The following DCDC1 variants were observed in gnomAD, a reference collection of about 807,000 sequenced individuals.
The protein encoded by DCDC1 is doublecortin domain containing 1.
Under a neutral mutation model 178.3 loss-of-function variants are expected in DCDC1, and 200 were observed. The ratio of observed to expected loss-of-function variants is 1.12; its 90% CI spans 1.00 to 1.26. DCDC1 has a LOEUF of 1.26. Among genes scored for constraint, DCDC1 ranks in the 50% most tolerant of loss-of-function variants. DCDC1 has a pLI of 0.00. For missense variants in DCDC1, 1,983 were observed against 1,749.2 expected, an observed-to-expected ratio of 1.13 and a Z score of -2.38; for synonymous variants, 690 against 604.8, an observed-to-expected ratio of 1.14 and a Z score of -2.07.
In DCDC1 at chr11:31,157,485, G is replaced by C. The variant is rs534201219; in HGVS notation, c.1222-19701C>G. Among the ~76,000 whole-genome samples, 28 of 150,938 alleles carry C rather than the reference G, an allele frequency of 1.9e-4. No homozygotes were observed. The South Asian group carries it at 5.7e-3, about 31-fold the overall frequency. Reference sequence around the variant, plus strand: ...TACATATATATATATGTGTGTGTGTGTGCAATGGAATATTATTCAGGCCTA... The same window carrying C: ...TACATATATATATATGTGTGTGTGTCTGCAATGGAATATTATTCAGGCCTA... On this transcript the variant is annotated intron_variant, in intron 9 of 38. Transcript: ENST00000684477.
At chr11:30,885,363 A>G (rs1344344629) in intron 36 of DCDC1, among the ~76,000 whole-genome samples, 2 of 152,026 alleles carry the variant, frequency 1.3e-5, no homozygotes, top group African/African-American at 4.8e-5. Flanking sequence ...AGAAATGAAT[A>G]AACTTATAAA....
intron 38 of DCDC1, among the ~76,000 whole-genome samples, chr11:30,876,488 T>G (rs1398011869): frequency 6.6e-6 from 1 of 152,210 alleles, no homozygotes; most frequent in Non-Finnish European, 1.5e-5. Flanking sequence ...ACAAAGTAAG[T>G]GTCGCTGCCT....
At chr11:31,123,911 A>ATAATTTAATAACTTAAATTTTAAT (rs1348552018) in intron 11 of DCDC1, among the ~76,000 whole-genome samples, 20 of 152,256 alleles carry the variant, frequency 1.3e-4, no homozygotes, top group African/African-American at 4.8e-4. Context: ...TAAAATTAAA[A>ATAATTTAATAACTTAAATTTTAAT]TTTAAGTAGC....
At chr11:31,339,441 C>T (rs1388272304) in intron 1 of DCDC1, among the ~76,000 whole-genome samples, 3 of 152,108 alleles carry the variant, frequency 2.0e-5, no homozygotes, top group Non-Finnish European at 4.4e-5. Context: ...ACGATTCAGC[C>T]TAAGGTATTT....
chr11:31,309,081 T>C (rs554040522), intron 3 of DCDC1, among the ~76,000 whole-genome samples: 1 of 152,004 alleles, frequency 6.6e-6, no homozygotes, highest in Admixed American at 6.6e-5. Context: ...ACGAGTAAAA[T>C]GGTCAATTAT....
intron 21 of DCDC1, among the ~76,000 whole-genome samples, chr11:30,935,319 T>C (rs927873549): frequency 1.3e-5 from 2 of 152,172 alleles, no homozygotes; most frequent in Non-Finnish European, 2.9e-5. Context: ...GCAAAGATAT[T>C]TATCTGCCTG....
At chr11:31,122,637 C>A (rs1208064061) in intron 11 of DCDC1, among the ~76,000 whole-genome samples, 1 of 152,076 alleles carries the variant, frequency 6.6e-6, no homozygotes, top group Non-Finnish European at 1.5e-5. Context: ...GTATCCACAT[C>A]CATCCTATGG....
chr11:31,246,532 AAAGATACT>A (rs1228058470), intron 8 of DCDC1, among the ~76,000 whole-genome samples: 2 of 151,942 alleles, frequency 1.3e-5, no homozygotes, highest in African/African-American at 4.8e-5. Flanking sequence ...TAAGTTTTTA[AAAGATACT>A]AAGATGTGAC....
intron 3 of DCDC1, among the ~76,000 whole-genome samples, chr11:31,308,849 G>A (rs747201909): frequency 1.3e-5 from 2 of 151,946 alleles, no homozygotes; most frequent in Non-Finnish European, 2.9e-5. Flanking sequence ...TACCATAATC[G>A]GAAGTATCTT....
Position 30,867,002 on chromosome 11 carries a change from G to A in DCDC1, c.*41-1670C>T, listed in dbSNP as rs564077288. ...CTCACCATACACCAGTGCCTTGATT[G>A]TGATCTTGGACTTCCCAGCCTCCAG... On this transcript the variant is annotated intron_variant, in intron 38 of 38. Coordinates refer to ENST00000684477, the MANE Select transcript of DCDC1 (RefSeq NM_001387274.1). 2.6e-5 allele frequency among the ~76,000 whole-genome samples: 4 copies of A among 152,232 alleles called. No homozygotes were observed. In the South Asian group the frequency reaches 6.2e-4, roughly 24 times the overall value.
chr11:30,900,598 CTT>C (rs551029270), intron 32 of DCDC1, 100 bp from the exon 33 acceptor site: 90 of 1,205,782 alleles, frequency 7.5e-5, no homozygotes, highest in Non-Finnish European at 9.1e-5. Context: ...TCATTAATAA[CTT>C]AATTTGATTT....
chr11:31,317,864 G>A (rs1288081543), intron 3 of DCDC1, among the ~76,000 whole-genome samples: 2 of 49,172 alleles, frequency 4.1e-5, no homozygotes, highest in East Asian at 6.6e-4. Flanking sequence ...TTTTTAGCAT[G>A]AAGGGTTGTT....
rs377366149 is a variant in DCDC1, at chr11:30,909,519, C to A, written c.3748-403G>T. 8.5e-4 allele frequency among the ~76,000 whole-genome samples: 129 copies of A among 152,026 alleles called. 3 individuals carry two copies. The South Asian group carries it at 0.026, about 31-fold the overall frequency. ...TAGTGTAAATAAATATTTGGGAAAT[C>A]CATGATAATTTTTTAGGACAAATTT... On this transcript the variant is annotated intron_variant, in intron 28 of 38. Coordinates refer to ENST00000684477, the MANE Select transcript of DCDC1 (RefSeq NM_001387274.1).
chr11:31,301,532 C>A (rs1281286964), intron 6 of DCDC1, among the ~76,000 whole-genome samples: 1 of 152,104 alleles, frequency 6.6e-6, no homozygotes, highest in East Asian at 1.9e-4. Context: ...TAAAAATCAA[C>A]AAATTCAGTA....
chr11:31,205,417 G>T (rs913468407), intron 9 of DCDC1, among the ~76,000 whole-genome samples: 1 of 152,152 alleles, frequency 6.6e-6, no homozygotes, highest in Admixed American at 6.5e-5. Flanking sequence ...ACATATTTAA[G>T]AAGTTAGGTT....
chr11:30,970,719 C>T (rs554496973), intron 20 of DCDC1, among the ~76,000 whole-genome samples: 1 of 152,330 alleles, frequency 6.6e-6, no homozygotes, highest in South Asian at 2.1e-4. Context: ...TGACAGCAAT[C>T]CTGCCCTCCC....
intron 13 of DCDC1, among the ~76,000 whole-genome samples, chr11:31,103,997 A>G (rs774683479): frequency 1.1e-4 from 17 of 152,190 alleles, no homozygotes; most frequent in Non-Finnish European, 2.2e-4. Flanking sequence ...AACATATGTA[A>G]TTTAAAAAAT....
intron 10 of DCDC1, among the ~76,000 whole-genome samples, chr11:31,134,923 G>A (rs1210909577): frequency 6.6e-6 from 1 of 152,148 alleles, no homozygotes; most frequent in Non-Finnish European, 1.5e-5. Context: ...TTGTGCCCAG[G>A]AGTTCAAGGC....
chr11:31,172,908 A>T (rs1967440543), intron 9 of DCDC1, among the ~76,000 whole-genome samples: 1 of 152,158 alleles, frequency 6.6e-6, no homozygotes, highest in Non-Finnish European at 1.5e-5. Flanking sequence ...GACTGTAGTT[A>T]TAAGAAGGAC....
Sources: gnomAD v4.1 joint callset for allele counts (sites outside exome capture counted in the v4.1 genomes callset) on GRCh38, gnomAD v4.1.1 for gene constraint, MANE v1.5 for transcripts, NCBI Gene and HGNC (gene_info 2026-07-23, HGNC 2026-07-21) for gene names.